EPM2A: variants seen among roughly 807,000 people sequenced by gnomAD.
The protein encoded by EPM2A is EPM2A glucan phosphatase, laforin.
A neutral mutation model predicts 26.5 loss-of-function variants in EPM2A; 21 were observed. The ratio of observed to expected loss-of-function variants is 0.79; its 90% CI spans 0.56 to 1.14. EPM2A has a LOEUF of 1.14. Ranked by LOEUF, EPM2A falls within the 50% of genes most tolerant of loss-of-function variation. The pLI is 0.00. For missense variants in EPM2A, 458 were observed against 440.8 expected (o/e 1.04, Z -0.35); for synonymous variants, 217 against 177.6 (o/e 1.22, Z -1.76).
intron 4 of EPM2A, among the ~76,000 whole-genome samples, chr6:145,453,456 A>T (rs1461589379): frequency 6.6e-6 from 1 of 152,092 alleles, no homozygotes; most frequent in Non-Finnish European, 1.5e-5. Flanking sequence ...TTTTTCTAAT[A>T]GATACACTGT....
intron 1 of EPM2A, among the ~76,000 whole-genome samples, chr6:145,716,549 T>C (rs1342912888): frequency 6.6e-6 from 1 of 152,126 alleles, no homozygotes. Flanking sequence ...GCCCACGTCC[T>C]CCAGGTCTCA....
chr6:145,724,631 C>T (rs1171912363), intron 1 of EPM2A, among the ~76,000 whole-genome samples: 1 of 151,996 alleles, frequency 6.6e-6, no homozygotes, highest in East Asian at 1.9e-4. Flanking sequence ...CAGTAATGAA[C>T]AGAGTGTGAT....
intron 4 of EPM2A, among the ~76,000 whole-genome samples, chr6:145,465,066 G>A (rs902223082): frequency 1.3e-5 from 2 of 152,062 alleles, no homozygotes; most frequent in Non-Finnish European, 2.9e-5. Flanking sequence ...ATCCTGCAGA[G>A]TGTTTTCCAA....
downstream of EPM2A, among the ~76,000 whole-genome samples, chr6:145,623,777 T>C (rs918385320): frequency 6.6e-6 from 1 of 152,140 alleles, no homozygotes; most frequent in African/African-American, 2.4e-5. Context: ...TTCTGAAATG[T>C]AGTCTTGGGA....
At position 145,626,800 on chromosome 6, in the gene EPM2A, A is replaced by G. The variant is rs940619871; in HGVS notation, c.*616T>C. On this transcript the variant is annotated 3_prime_UTR_variant, in exon 4 of 4. Coordinates refer to ENST00000367519, the MANE Select transcript of EPM2A (RefSeq NM_005670.4). ...GAAAAACAACAACAAATGAGAGATAATTCTACTTTAGTTGTTACACAGGGT... is the reference window on the plus strand; with the variant it reads ...GAAAAACAACAACAAATGAGAGATAGTTCTACTTTAGTTGTTACACAGGGT... 9 of 985,972 alleles carry G rather than the reference A, an allele frequency of 9.1e-6. No homozygotes were observed. The African/African-American group carries it at 1.6e-4, about 17-fold the overall frequency. The allele number at this position is 985,972 out of a possible 1,614,324, so 61.1% of individuals were successfully genotyped here. A position where few individuals can be genotyped will look rare whatever the true frequency, so the allele number is the denominator to read the frequency against.
chr6:145,485,522 G>T (rs139352308), intron 4 of EPM2A, among the ~76,000 whole-genome samples: 1 of 152,016 alleles, frequency 6.6e-6, no homozygotes, highest in African/African-American at 2.4e-5. Flanking sequence ...ACTACAAACC[G>T]CAGGGAAGGA....
At chr6:145,412,241 T>G (rs1482564608) in intron 4 of EPM2A, among the ~76,000 whole-genome samples, 1 of 151,508 alleles carries the variant, frequency 6.6e-6, no homozygotes, top group Non-Finnish European at 1.5e-5. Context: ...AAATTCATCT[T>G]CATCTTGACA....
chr6:145,573,115 T>A (rs138691229), intron 2 of EPM2A, among the ~76,000 whole-genome samples: 100 of 152,350 alleles, frequency 6.6e-4, no homozygotes, highest in South Asian at 2.5e-3. Flanking sequence ...GTAAGTCCAG[T>A]GTGTTTGCTA....
downstream of EPM2A, among the ~76,000 whole-genome samples, chr6:145,499,639 G>A (rs2114749588): frequency 6.6e-6 from 1 of 152,324 alleles, no homozygotes; most frequent in East Asian, 1.9e-4. Context: ...TCATGCATGA[G>A]TGAGTGAATT....
At chr6:145,419,844 T>C (rs1012072877) in intron 4 of EPM2A, among the ~76,000 whole-genome samples, 7 of 152,086 alleles carry the variant, frequency 4.6e-5, no homozygotes, top group African/African-American at 1.7e-4. Flanking sequence ...CAAATATGAA[T>C]GATACAAATA....
chr6:145,524,378 T>C (rs117932273), intron 2 of EPM2A, among the ~76,000 whole-genome samples: 1 of 152,332 alleles, frequency 6.6e-6, no homozygotes, highest in Non-Finnish European at 1.5e-5. Context: ...CCACAATGGC[T>C]GAACGAATTT....
intron 4 of EPM2A, among the ~76,000 whole-genome samples, chr6:145,449,923 T>C (rs1304943624): frequency 6.6e-6 from 1 of 151,868 alleles, no homozygotes; most frequent in East Asian, 1.9e-4. Flanking sequence ...ACAAAGACAA[T>C]GGATATATAA....
intron 2 of EPM2A, among the ~76,000 whole-genome samples, chr6:145,659,092 T>TA (rs894342588): frequency 6.6e-6 from 1 of 152,164 alleles, no homozygotes; most frequent in African/African-American, 2.4e-5. Context: ...TAGAAGCTAT[T>TA]ACTATGTCTT....
chr6:145,387,604 G>A (rs185733614), intron 4 of EPM2A, among the ~76,000 whole-genome samples: 2 of 152,088 alleles, frequency 1.3e-5, no homozygotes, highest in Admixed American at 6.6e-5. Context: ...CTGTCTGGGG[G>A]CTGTCATCCA....
chr6:145,596,787 G>GA (rs1171301424), intron 2 of EPM2A, among the ~76,000 whole-genome samples: 2 of 149,670 alleles, frequency 1.3e-5, no homozygotes, highest in Non-Finnish European at 3.0e-5. Context: ...GCTATCATTT[G>GA]GACTAGATTC....
At chr6:145,499,555 T>C (rs1372947167), downstream of EPM2A, among the ~76,000 whole-genome samples, 1 of 152,230 alleles carries the variant, frequency 6.6e-6, no homozygotes, top group East Asian at 1.9e-4. Context: ...TTCAAGTCCA[T>C]TTCTATTCGT....
intron 4 of EPM2A, among the ~76,000 whole-genome samples, chr6:145,426,189 A>G (rs570818823): frequency 1.3e-5 from 2 of 152,236 alleles, no homozygotes; most frequent in Admixed American, 6.5e-5. Context: ...TGATGTTCAC[A>G]GCAGGCCAGG....
chr6:145,523,580 T>C (rs971078945), intron 2 of EPM2A, among the ~76,000 whole-genome samples: 2 of 152,166 alleles, frequency 1.3e-5, no homozygotes, highest in Admixed American at 6.5e-5. Flanking sequence ...ATAAATAAGA[T>C]GGTGAACATA....
chr6:145,735,268 C>T lies in EPM2A; in HGVS notation c.231G>A (p.Glu77=). 2.0e-6 allele frequency: 3 copies of T among 1,515,766 alleles called. No homozygotes were observed. The highest frequency in any genetic ancestry group is 1.4e-5 in the African/African-American group (1 of 69,894). 93.9% of individuals were successfully genotyped at this position (1,515,766 alleles called of 1,614,324 possible). ...AAEEAAQDGA[E]PGRVDTFWYK... ...ACCAGAACGTGTCCACGCGGCCCGG[C>T]TCCGCCCCGTCCTGCGCCGCCTCCT... Residue 77 remains glutamate, a synonymous_variant, in exon 1 of 4, where the codon GAG becomes GAA. Coordinates refer to ENST00000367519, the MANE Select transcript of EPM2A (RefSeq NM_005670.4).
Sources: gnomAD v4.1 joint callset for allele counts (sites outside exome capture counted in the v4.1 genomes callset) on GRCh38, gnomAD v4.1.1 for gene constraint, MANE v1.5 for transcripts, NCBI Gene and HGNC (gene_info 2026-07-23, HGNC 2026-07-21) for gene names.